CPEB3: variants seen among roughly 807,000 people sequenced by gnomAD.
CPEB3 encodes the protein cytoplasmic polyadenylation element binding protein 3.
A neutral mutation model predicts 67.2 loss-of-function variants in CPEB3; 20 were observed. That is an observed-to-expected ratio of 0.30 (90% CI 0.21 to 0.43). CPEB3 has a LOEUF of 0.43. CPEB3 is among the 20% of genes least tolerant of loss of function. CPEB3 has a pLI of 1.00. For missense variants in CPEB3, 746 were observed against 968.6 expected (o/e 0.77, Z 3.05); for synonymous variants, 376 against 393.1 (o/e 0.96, Z 0.51).
rs187920703 is a variant in CPEB3 at position 92,169,506 on chromosome 10, A to T, written c.1222+11457T>A. Among the ~76,000 whole-genome samples the T allele has an allele frequency of 3.0e-3, 450 of 152,306 alleles. 1 individual carries two copies. The highest frequency in any genetic ancestry group is 1.0e-2 in the South Asian group (48 of 4,822). Reference sequence around the variant, plus strand: ...TAGCAGAGCCTTCTCTCCCCCAGTAAAGACAATGTATTAAAGCAAGGCTGT... The same window carrying T: ...TAGCAGAGCCTTCTCTCCCCCAGTATAGACAATGTATTAAAGCAAGGCTGT... On this transcript the variant is annotated intron_variant, in intron 4 of 9. Coordinates refer to ENST00000265997, the MANE Select transcript of CPEB3 (RefSeq NM_014912.5).
At chr10:92,055,072 G>C (rs984189922) in intron 9 of CPEB3, among the ~76,000 whole-genome samples, 1 of 152,202 alleles carries the variant, frequency 6.6e-6, no homozygotes, top group Non-Finnish European at 1.5e-5. Context: ...ATTACACAGG[G>C]ATATTAGGAC....
chr10:92,284,356 A>T (rs1461221656), intron 1 of CPEB3, among the ~76,000 whole-genome samples: 1 of 151,890 alleles, frequency 6.6e-6, no homozygotes, highest in Non-Finnish European at 1.5e-5. Context: ...TCTATTTCTT[A>T]CGCCTAAACC....
chr10:92,137,540 AC>A, intron 6 of CPEB3: 1 of 792,380 alleles, frequency 1.3e-6, no homozygotes. Flanking sequence ...TTCATAAGGG[AC>A]CCCATTTGGA....
chr10:92,144,481 GTCT>G (rs1846585751), intron 5 of CPEB3, among the ~76,000 whole-genome samples: 2 of 152,202 alleles, frequency 1.3e-5, no homozygotes, highest in Admixed American at 6.5e-5. Flanking sequence ...GCCCAGGCTG[GTCT>G]TGAACCCCTG....
At chr10:92,057,372 A>C (rs1325801014) in intron 9 of CPEB3, among the ~76,000 whole-genome samples, 2 of 152,212 alleles carry the variant, frequency 1.3e-5, no homozygotes, top group Admixed American at 6.5e-5. Context: ...GCCTTTGGAA[A>C]GGGGAGGGAA....
intron 4 of CPEB3, among the ~76,000 whole-genome samples, chr10:92,170,136 C>A (rs1216864050): frequency 6.6e-6 from 1 of 152,176 alleles, no homozygotes; most frequent in Admixed American, 6.5e-5. Flanking sequence ...CCTAGGAAAC[C>A]CCTAGTCCAC....
chr10:92,218,398 T>G (rs766969473), intron 2 of CPEB3, among the ~76,000 whole-genome samples: 1 of 151,960 alleles, frequency 6.6e-6, no homozygotes, highest in Non-Finnish European at 1.5e-5. Flanking sequence ...CAGAGCAAGA[T>G]TCCATCTCAA....
chr10:92,179,040 T>C (rs1848351151), intron 4 of CPEB3, among the ~76,000 whole-genome samples: 1 of 152,022 alleles, frequency 6.6e-6, no homozygotes. Flanking sequence ...CTGATATCTG[T>C]TGCAACTATG....
intron 9 of CPEB3, among the ~76,000 whole-genome samples, chr10:92,059,978 T>C (rs913354229): frequency 2.0e-5 from 3 of 150,214 alleles, no homozygotes; most frequent in Admixed American, 1.3e-4. Context: ...AAATCAATCA[T>C]ATCAACAGAA....
intron 2 of CPEB3, among the ~76,000 whole-genome samples, chr10:92,203,550 T>C (rs1322157763): frequency 1.3e-5 from 2 of 149,508 alleles, no homozygotes; most frequent in Non-Finnish European, 3.0e-5. Flanking sequence ...GAGGTGTAGC[T>C]GGGATTACAG....
At chr10:92,177,381 G>A (rs926394391) in intron 4 of CPEB3, among the ~76,000 whole-genome samples, 3 of 152,150 alleles carry the variant, frequency 2.0e-5, no homozygotes. Flanking sequence ...ATGGATTGGA[G>A]TTTCTTCCCC....
intron 1 of CPEB3, among the ~76,000 whole-genome samples, chr10:92,266,067 A>G (rs527464528): frequency 6.6e-6 from 1 of 152,324 alleles, no homozygotes; most frequent in African/African-American, 2.4e-5. Context: ...GATGCCCTAC[A>G]CAGCCTTGGG....
At chr10:92,108,619 G>T (rs111593875) in intron 7 of CPEB3, among the ~76,000 whole-genome samples, 2 of 152,268 alleles carry the variant, frequency 1.3e-5, no homozygotes, top group African/African-American at 4.8e-5. Flanking sequence ...TGGAAATTCT[G>T]AGTATGCCTG....
intron 1 of CPEB3, among the ~76,000 whole-genome samples, chr10:92,256,334 T>C (rs576290281): frequency 2.7e-4 from 41 of 152,194 alleles, no homozygotes; most frequent in African/African-American, 9.9e-4. Flanking sequence ...GTTATGCCCC[T>C]TCCTAAAACT....
At chr10:92,169,048 A>G (rs565418350) in intron 4 of CPEB3, among the ~76,000 whole-genome samples, 48 of 150,888 alleles carry the variant, frequency 3.2e-4, no homozygotes, top group African/African-American at 1.1e-3. Flanking sequence ...CACCTGCCTC[A>G]GCCTCCCAAA....
intron 9 of CPEB3, among the ~76,000 whole-genome samples, chr10:92,079,283 A>G (rs941055232): frequency 1.3e-5 from 2 of 152,212 alleles, no homozygotes; most frequent in Non-Finnish European, 2.9e-5. Context: ...AGGTTTATCA[A>G]GCATCAATGA....
intron 2 of CPEB3, among the ~76,000 whole-genome samples, chr10:92,204,576 A>G (rs1849689247): frequency 6.6e-6 from 1 of 152,202 alleles, no homozygotes; most frequent in Non-Finnish European, 1.5e-5. Flanking sequence ...GGTAAGTACC[A>G]AAGAAATTCA....
intron 4 of CPEB3, among the ~76,000 whole-genome samples, chr10:92,170,421 C>T (rs993095314): frequency 2.0e-5 from 3 of 152,274 alleles, no homozygotes; most frequent in African/African-American, 7.2e-5. Context: ...TGGAAACAAA[C>T]CTCGGTAAAG....
chr10:92,159,934 T>C (rs957314554), intron 4 of CPEB3, among the ~76,000 whole-genome samples: 1 of 150,324 alleles, frequency 6.7e-6, no homozygotes, highest in African/African-American at 2.4e-5. Context: ...CAAACCTCAA[T>C]GAAAAAAATC....
Sources: allele counts gnomAD v4.1 joint callset (sites outside exome capture counted in the v4.1 genomes callset), GRCh38; gene constraint gnomAD v4.1.1; transcripts MANE v1.5; gene names NCBI Gene and HGNC (gene_info 2026-07-23, HGNC 2026-07-21).